Variants in GRID1 observed in about 807,000 individuals in gnomAD.
GRID1 encodes glutamate receptor ionotropic, delta-1.
A neutral mutation model predicts 98.0 loss-of-function variants in GRID1; 28 were observed. The observed-to-expected ratio is 0.29, with a 90% confidence interval of 0.21 to 0.39. GRID1 has a LOEUF of 0.39. Ranked by LOEUF, GRID1 falls within the 10% of genes least tolerant of loss-of-function variation. The probability of loss-of-function intolerance (pLI) is 1.00; values close to 1 mark genes in which losing one functional copy is unlikely to be tolerated. For missense variants in GRID1, 1,111 were observed against 1,340.5 expected (o/e 0.83, Z 2.67); for synonymous variants, 553 against 538.5 (o/e 1.03, Z -0.37).
intron 8 of GRID1, among the ~76,000 whole-genome samples, chr10:85,735,699 C>T (rs1054379142): frequency 5.3e-5 from 8 of 151,986 alleles, no homozygotes; most frequent in East Asian, 1.9e-4. Context: ...AGAATAGAAA[C>T]GGGTGGCAAT....
chr10:86,347,936 C>T (rs1012789371), intron 2 of GRID1, among the ~76,000 whole-genome samples: 5 of 152,166 alleles, frequency 3.3e-5, no homozygotes, highest in Admixed American at 2.0e-4. Context: ...GCAGAAACCC[C>T]TATGTGCCAC....
chr10:85,613,547 C>T lies in GRID1; in HGVS notation c.2461G>A (p.Ala821Thr), dbSNP rs750193115. The T allele has an allele frequency of 2.5e-6, 4 of 1,614,188 alleles. No individual in the cohort carries two copies. The highest frequency in any genetic ancestry group is 2.7e-5 in the African/African-American group (2 of 75,054). The change falls in exon 15 of 16, where the codon GCC becomes ACC. Residue 821 changes from alanine (A) to threonine (T), a missense_variant. Around this residue, in one of 3 missense-constraint regions of GRID1, gnomAD observed 762 missense variants for 869.1 expected, o/e 0.88. Coordinates refer to ENST00000327946, the MANE Select transcript of GRID1 (RefSeq NM_017551.3). Reference sequence around the variant, plus strand: ...TGCAGCTTGAGGGATTTGCCGTCGGCCTGGGCGCTGGCATGGCTGGTGAGG... The same window carrying T: ...TGCAGCTTGAGGGATTTGCCGTCGGTCTGGGCGCTGGCATGGCTGGTGAGG... ...CDLTSHASAQ[A>T]DGKSLKLHSF... is the part of the protein sequence containing the mutation.
intron 4 of GRID1, among the ~76,000 whole-genome samples, chr10:86,089,494 A>C (rs1844112921): frequency 6.6e-6 from 1 of 152,214 alleles, no homozygotes; most frequent in South Asian, 2.1e-4. Flanking sequence ...GAGCCTCATA[A>C]CGTAATTCCC....
chr10:85,958,633 T>A (rs1403707419), intron 4 of GRID1, among the ~76,000 whole-genome samples: 4 of 152,150 alleles, frequency 2.6e-5, no homozygotes, highest in African/African-American at 9.7e-5. Context: ...GTGGGCTTCA[T>A]CCCATCAGTT....
chr10:85,751,462 C>T (rs144685108), intron 8 of GRID1, among the ~76,000 whole-genome samples: 218 of 152,256 alleles, frequency 1.4e-3, no homozygotes, highest in African/African-American at 5.0e-3. Context: ...ATGTCTTCTG[C>T]AATCCCATTG....
At chr10:85,848,728 A>G (rs979627852) in intron 8 of GRID1, among the ~76,000 whole-genome samples, 3 of 152,198 alleles carry the variant, frequency 2.0e-5, no homozygotes, top group Non-Finnish European at 4.4e-5. Flanking sequence ...CTTAATGGGT[A>G]TGTATTGATA....
intron 2 of GRID1, among the ~76,000 whole-genome samples, chr10:86,327,458 T>C (rs1480301850): frequency 2.6e-5 from 4 of 152,164 alleles, no homozygotes; most frequent in East Asian, 1.9e-4. Context: ...ATGAGAACAA[T>C]AGCACTCACA....
At chr10:86,274,626 C>T (rs1275367826) in intron 2 of GRID1, among the ~76,000 whole-genome samples, 16 of 152,130 alleles carry the variant, frequency 1.1e-4, no homozygotes, top group Non-Finnish European at 1.8e-4. Flanking sequence ...AGGTCCTTCA[C>T]GTCCCTTGTA....
chr10:85,650,446 T>C (rs140526247), intron 12 of GRID1, among the ~76,000 whole-genome samples: 1 of 152,320 alleles, frequency 6.6e-6, no homozygotes, highest in Non-Finnish European at 1.5e-5. Context: ...ACATGCACGA[T>C]GCAACTTGCT....
In GRID1 at chr10:85,907,596, T is replaced by C. The variant is rs7921944; in HGVS notation, c.780+8590A>G. Among the ~76,000 whole-genome samples, 351 of 152,276 alleles carry C rather than the reference T, an allele frequency of 2.3e-3. 1 individual carries two copies. Among genetic ancestry groups the C allele is most frequent in the African/African-American group, 8.1e-3 (338 of 41,552 alleles). On this transcript the variant is annotated intron_variant, in intron 5 of 15. Coordinates refer to ENST00000327946, the MANE Select transcript of GRID1 (RefSeq NM_017551.3). ...CTTCATTGGTAAATTCTAACAAACA[T>C]TTAGTGGAAAAAATAATAATTATTT... is the stretch of plus-strand genomic sequence containing the variant.
intron 13 of GRID1, among the ~76,000 whole-genome samples, chr10:85,625,943 T>C (rs950473939): frequency 3.9e-5 from 6 of 152,204 alleles, no homozygotes. Flanking sequence ...GACATCAGCC[T>C]TTAAGGCAAG....
intron 13 of GRID1, among the ~76,000 whole-genome samples, chr10:85,633,791 T>C (rs1843002159): frequency 6.6e-6 from 1 of 152,120 alleles, no homozygotes; most frequent in Non-Finnish European, 1.5e-5. Flanking sequence ...AAGATACAAA[T>C]AGACTCTCAC....
chr10:85,828,273 C>G (rs1262312820), intron 8 of GRID1, among the ~76,000 whole-genome samples: 1 of 152,046 alleles, frequency 6.6e-6, no homozygotes, highest in Non-Finnish European at 1.5e-5. Flanking sequence ...GACAGAATCT[C>G]TGGGACACAG....
In GRID1 at chr10:85,602,637, G is replaced by A. The variant is rs1009815904; in HGVS notation, c.2666C>T (p.Ala889Val). The A allele has an allele frequency of 4.3e-6, 7 of 1,613,814 alleles. No individual in the cohort carries two copies. In the Admixed American group the frequency reaches 5.0e-5, roughly 12 times the overall value. Residue 889 changes from alanine to valine, a missense_variant, in exon 16 of 16, where the codon GCT (alanine) becomes GTT (valine). Physicochemically the swap from Ala to Val is moderately conservative, Grantham distance 64. Transcript: ENST00000327946. ...RMNSLMDEDI[A>V]HKQISPASIE... ...CGACGCTGGGGAAATCTGCTTGTGA[G>A]CAATGTCTTCATCCATGAGGCTGTT... is the stretch of plus-strand genomic sequence containing the variant.
At chr10:85,627,526 C>T (rs1842926327) in intron 13 of GRID1, among the ~76,000 whole-genome samples, 1 of 152,172 alleles carries the variant, frequency 6.6e-6, no homozygotes, top group Non-Finnish European at 1.5e-5. Flanking sequence ...AAATACAAGC[C>T]ATGGTCATCT....
chr10:85,612,958 G>A (rs1205560152), intron 15 of GRID1: 1 of 158,522 alleles, frequency 6.3e-6, no homozygotes, highest in African/African-American at 2.4e-5. Context: ...AGGAGTGCTG[G>A]GAGGGACAGG....
intron 8 of GRID1, among the ~76,000 whole-genome samples, chr10:85,740,940 G>C (rs1841936693): frequency 6.6e-6 from 1 of 151,868 alleles, no homozygotes; most frequent in African/African-American, 2.4e-5. Context: ...TTTTAGTAGT[G>C]ACTGCGTTTC....
intron 4 of GRID1, among the ~76,000 whole-genome samples, chr10:86,037,201 A>T (rs1322987466): frequency 6.6e-6 from 1 of 152,200 alleles, no homozygotes; most frequent in Non-Finnish European, 1.5e-5. Context: ...CTTCTTTTCC[A>T]GAAAGGGGAA....
intron 4 of GRID1, among the ~76,000 whole-genome samples, chr10:86,039,793 C>G (rs748322544): frequency 2.0e-5 from 3 of 152,180 alleles, no homozygotes; most frequent in Non-Finnish European, 4.4e-5. Flanking sequence ...GGTCTTTAAT[C>G]CACCAATAAA....
Sources: gnomAD v4.1 joint callset for allele counts (sites outside exome capture counted in the v4.1 genomes callset) on GRCh38, gnomAD v4.1.1 for gene constraint, gnomAD v4.1.1 regional missense constraint, MANE v1.5 for transcripts, NCBI Gene and HGNC (gene_info 2026-07-23, HGNC 2026-07-21) for gene names.